Variants in NCEH1 observed in about 807,000 individuals in gnomAD.
NCEH1 encodes the protein 2-acetyl MAGE hydrolase.
NCEH1 carries 9 observed loss-of-function variants against 25.4 expected under a neutral mutation model. That is an observed-to-expected ratio of 0.35 (90% CI 0.21 to 0.62). The LOEUF is 0.62. NCEH1 is among the 20% of genes least tolerant of loss of function. The pLI is 0.72. For synonymous variants in NCEH1, 200 were observed against 199.8 expected (o/e 1.00, Z -0.01); for missense variants, 412 against 501.1 (o/e 0.82, Z 1.70).
At chr3:172,667,380 C>G (rs1470585220) in intron 1 of NCEH1, among the ~76,000 whole-genome samples, 1 of 152,240 alleles carries the variant, frequency 6.6e-6, no homozygotes, top group Non-Finnish European at 1.5e-5. Flanking sequence ...ATTAAAGGAG[C>G]CTTGCTCAAA....
chr3:172,654,062 T>A (rs1288695443), intron 1 of NCEH1, among the ~76,000 whole-genome samples: 2 of 152,152 alleles, frequency 1.3e-5, no homozygotes, highest in Non-Finnish European at 2.9e-5. Context: ...GCCTGGAAAG[T>A]GTTTTAACTC....
chr3:172,635,701 C>G (rs904560540), intron 4 of NCEH1, among the ~76,000 whole-genome samples: 1 of 152,108 alleles, frequency 6.6e-6, no homozygotes, highest in Non-Finnish European at 1.5e-5. Context: ...AGGGACTTTA[C>G]AAAGACTCAT....
At chr3:172,669,077 C>T (rs927055334) in intron 1 of NCEH1, among the ~76,000 whole-genome samples, 1 of 152,092 alleles carries the variant, frequency 6.6e-6, no homozygotes, top group Non-Finnish European at 1.5e-5. Flanking sequence ...GCTATAGCTT[C>T]GGCCTTCATC....
chr3:172,664,400 CT>C (rs550760106), intron 1 of NCEH1, among the ~76,000 whole-genome samples: 1 of 152,198 alleles, frequency 6.6e-6, no homozygotes, highest in South Asian at 2.1e-4. Flanking sequence ...ACATTTTTTT[CT>C]TCATTTCAAC....
At chr3:172,656,748 AGAGT>A (rs1231905838) in intron 1 of NCEH1, among the ~76,000 whole-genome samples, 1 of 152,116 alleles carries the variant, frequency 6.6e-6, no homozygotes, top group Non-Finnish European at 1.5e-5. Flanking sequence ...GCCTGGCAAC[AGAGT>A]GAGACTCCGG....
chr3:172,648,163 C>T lies in NCEH1; in HGVS notation c.139-49G>A, dbSNP rs776626767. Reference sequence around the variant, plus strand: ...AGAGGGAGGGCGCACGTCAACTTGGCATCACCAGAGCTGCCCTCACCAACT... The same window carrying T: ...AGAGGGAGGGCGCACGTCAACTTGGTATCACCAGAGCTGCCCTCACCAACT... On this transcript the variant is annotated intron_variant, in intron 1 of 4. Coordinates refer to ENST00000475381, the MANE Select transcript of NCEH1 (RefSeq NM_020792.6). 4 of 1,607,304 alleles carry T rather than the reference C, an allele frequency of 2.5e-6. No individual in the cohort carries two copies. The East Asian group carries it at 6.7e-5, about 27-fold the overall frequency.
intron 1 of NCEH1, among the ~76,000 whole-genome samples, chr3:172,684,261 A>G (rs80037179): frequency 1.1e-3 from 164 of 152,366 alleles, no homozygotes; most frequent in Non-Finnish European, 2.1e-3. Context: ...TTAAAAATAT[A>G]CATATATAGT....
intron 1 of NCEH1, among the ~76,000 whole-genome samples, chr3:172,660,440 G>A (rs1717920383): frequency 6.6e-6 from 1 of 152,108 alleles, no homozygotes; most frequent in Admixed American, 6.5e-5. Flanking sequence ...AAACATACAT[G>A]TGCATGTGTC....
At chr3:172,701,607 G>GC (rs1356713450) in intron 1 of NCEH1, among the ~76,000 whole-genome samples, 3 of 141,460 alleles carry the variant, frequency 2.1e-5, no homozygotes, top group Non-Finnish European at 1.5e-5. Context: ...GTGCCACCAT[G>GC]CCCAGCTAGT....
intron 1 of NCEH1, among the ~76,000 whole-genome samples, chr3:172,689,996 C>T (rs530628502): frequency 3.2e-4 from 48 of 151,338 alleles, no homozygotes; most frequent in South Asian, 1.7e-3. Flanking sequence ...CTCCGCCTCC[C>T]GGGTTCACGC....
intron 3 of NCEH1, among the ~76,000 whole-genome samples, chr3:172,641,304 G>A (rs1716841390): frequency 6.6e-6 from 1 of 152,150 alleles, no homozygotes; most frequent in Non-Finnish European, 1.5e-5. Context: ...TAGCGTTGTA[G>A]AAGCTACTGA....
chr3:172,656,764 CAA>C (rs879454938), intron 1 of NCEH1, among the ~76,000 whole-genome samples: 2 of 149,058 alleles, frequency 1.3e-5, no homozygotes, highest in African/African-American at 4.9e-5. Flanking sequence ...AGACTCCGGC[CAA>C]AAAAAAAGAC....
At chr3:172,668,348 A>ATT (rs1200625132) in intron 1 of NCEH1, among the ~76,000 whole-genome samples, 12,025 of 78,470 alleles carry the variant, frequency 0.15, 2,790 homozygotes, top group East Asian at 0.2. Flanking sequence ...AAAAGGAAGC[A>ATT]TTTTTTTTTT....
chr3:172,647,100 C>T (rs1279208614), intron 2 of NCEH1, among the ~76,000 whole-genome samples: 1 of 151,294 alleles, frequency 6.6e-6, no homozygotes, highest in Non-Finnish European at 1.5e-5. Flanking sequence ...AACCTTTTGA[C>T]CTTTGTTGCT....
At chr3:172,679,695 G>C (rs1413123547) in intron 1 of NCEH1, among the ~76,000 whole-genome samples, 1 of 152,008 alleles carries the variant, frequency 6.6e-6, no homozygotes, top group Admixed American at 6.6e-5. Flanking sequence ...TAACAGAAAA[G>C]GTGGCTTAAA....
At chr3:172,681,544 C>T (rs1049236164) in intron 1 of NCEH1, among the ~76,000 whole-genome samples, 2 of 151,908 alleles carry the variant, frequency 1.3e-5, no homozygotes, top group African/African-American at 2.4e-5. Flanking sequence ...AATGCCACTT[C>T]GAAACCCATA....
intron 1 of NCEH1, among the ~76,000 whole-genome samples, chr3:172,694,474 A>T (rs1560207062): frequency 1.3e-5 from 2 of 152,014 alleles, no homozygotes; most frequent in Non-Finnish European, 2.9e-5. Flanking sequence ...TCCACCTTGA[A>T]TTTTAATCAC....
chr3:172,675,319 A>AATTAATTAATT (rs1553835588), intron 1 of NCEH1, among the ~76,000 whole-genome samples: 139 of 141,888 alleles, frequency 9.8e-4, no homozygotes, highest in African/African-American at 4.0e-3. Flanking sequence ...ATAAATAAAT[A>AATTAATTAATT]AATAAATAAA....
At chr3:172,650,812 G>GA (rs768170518) in intron 1 of NCEH1, among the ~76,000 whole-genome samples, 2,138 of 35,016 alleles carry the variant, frequency 0.061, 94 homozygotes, top group Non-Finnish European at 0.071. Flanking sequence ...ACTCTGCCTC[G>GA]AAAAAAAAAA....
Sources: allele counts gnomAD v4.1 joint callset (sites outside exome capture counted in the v4.1 genomes callset), GRCh38; gene constraint gnomAD v4.1.1; transcripts MANE v1.5; gene names NCBI Gene and HGNC (gene_info 2026-07-23, HGNC 2026-07-21).